Variants in STON2 observed in about 807,000 individuals in gnomAD.
STON2 encodes the protein stonin 2, also known as stonin-2.
STON2 carries 29 observed loss-of-function variants against 65.7 expected under a neutral mutation model. The observed-to-expected ratio is 0.44, with a 90% CI of 0.33 to 0.60. The LOEUF is 0.60. Ranked by LOEUF, STON2 falls within the 20% of genes least tolerant of loss-of-function variation. The pLI is 0.03. For synonymous variants in STON2, 404 were observed against 414.2 expected, an observed-to-expected ratio of 0.98 and a Z score of 0.30; for missense variants, 1,054 against 1,118.1, an observed-to-expected ratio of 0.94 and a Z score of 0.82.
rs936589546 is a variant in STON2 at position 81,412,585 on chromosome 14, G to A, written c.-198-14005C>T. The stretch of plus-strand genomic sequence containing the variant: ...AATGGTGGTTGCCAGGGGCCAGGGA[G>A]GCAGAGAAGTGTTTACCAGGTATGA... On this transcript the variant is annotated intron_variant, in intron 2 of 8. Coordinates refer to the STON2 transcript ENST00000553821. Among the ~76,000 whole-genome samples the A allele has an allele frequency of 5.8e-5, 8 of 138,846 alleles. 1 individual carries two copies. The highest frequency in any genetic ancestry group is 2.4e-4 in the African/African-American group (8 of 33,526). 91.1% of individuals were successfully genotyped at this position (138,846 alleles called of 152,430 possible).
intron 2 of STON2, among the ~76,000 whole-genome samples, chr14:81,419,906 C>T (rs1159508463): frequency 1.3e-5 from 2 of 152,190 alleles, no homozygotes; most frequent in African/African-American, 4.8e-5. Context: ...CAAGAATCGG[C>T]TTGTTGCTGG....
Position 81,265,958 on chromosome 14 carries a change from T to C in STON2, c.*2456A>G, listed in dbSNP as rs1209585744. On this transcript the variant is annotated 3_prime_UTR_variant, in exon 8 of 8. Coordinates refer to ENST00000614646, the MANE Select transcript of STON2 (RefSeq NM_001394390.1). ...TTGCCAACTCTCCAATCCATTTAGA[T>C]GTTCTATGAGGAATTAATCTCAAAA... 5 of 985,294 alleles carry C rather than the reference T, an allele frequency of 5.1e-6. No individual in the cohort carries two copies. The African/African-American group carries it at 7.0e-5, about 14-fold the overall frequency. The allele number at this position is 985,294 out of a possible 1,614,324, so 61.0% of individuals were successfully genotyped here. A position where few individuals can be genotyped will look rare whatever the true frequency, so the allele number is the denominator to read the frequency against.
chr14:81,355,854 T>A (rs1314778511), intron 4 of STON2, among the ~76,000 whole-genome samples: 2 of 152,166 alleles, frequency 1.3e-5, no homozygotes, highest in Non-Finnish European at 2.9e-5. Flanking sequence ...TGTACATTGA[T>A]TTTGTATCCT....
At position 81,268,150 on chromosome 14, in the gene STON2, T is replaced by C. The variant is rs1220158423; in HGVS notation, c.*264A>G. ...GAGACAAGACAAGGAGGCTTAATTA[T>C]ACAGTAAGCTCCAACAGTCAGGTGA... On this transcript the variant is annotated 3_prime_UTR_variant, in exon 8 of 8. Coordinates refer to ENST00000614646, the MANE Select transcript of STON2 (RefSeq NM_001394390.1). The C allele has an allele frequency of 2.7e-6, 3 of 1,094,566 alleles. No homozygotes were observed. The highest frequency in any genetic ancestry group is 2.5e-5 in the South Asian group (1 of 40,378). The allele number at this position is 1,094,566 out of a possible 1,614,324, so 67.8% of individuals were successfully genotyped here. A position where few individuals can be genotyped will look rare whatever the true frequency, so the allele number is the denominator to read the frequency against.
In STON2 at chr14:81,328,272, T is replaced by C. The variant is rs548736336; in HGVS notation, c.572-4085A>G. On this transcript the variant is annotated intron_variant, in intron 4 of 7. Coordinates refer to ENST00000614646, the MANE Select transcript of STON2 (RefSeq NM_001394390.1). ...AAGATCCTGGGAATATAGAAGTCTA[T>C]TAATTAAATGTAAATAGAAGTCTAT... Among the ~76,000 whole-genome samples the C allele has an allele frequency of 2.0e-5, 3 of 152,258 alleles. No homozygotes were observed. The East Asian group carries it at 5.8e-4, about 29-fold the overall frequency.
chr14:81,420,438 C>T (rs1181415868), intron 2 of STON2, among the ~76,000 whole-genome samples: 1 of 152,178 alleles, frequency 6.6e-6, no homozygotes, highest in East Asian at 1.9e-4. Flanking sequence ...TTCATTCATT[C>T]AATAAGCATT....
intron 4 of STON2, among the ~76,000 whole-genome samples, chr14:81,338,216 C>T (rs1397837543): frequency 6.6e-6 from 1 of 152,162 alleles, no homozygotes; most frequent in African/African-American, 2.4e-5. Context: ...GGGAACCAAC[C>T]ATGTGATGAA....
Position 81,411,885 on chromosome 14 carries a change from A to AT in STON2, c.-198-13306dup, listed in dbSNP as rs1901181716. Among the ~76,000 whole-genome samples, 2 of 98,206 alleles carry AT rather than the reference A, an allele frequency of 2.0e-5. 1 individual carries two copies. Among genetic ancestry groups the AT allele is most frequent in the Non-Finnish European group, 3.7e-5 (2 of 54,512 alleles). 64.4% of individuals were successfully genotyped at this position (98,206 alleles called of 152,430 possible). A position where few individuals can be genotyped will look rare whatever the true frequency, so the allele number is the denominator to read the frequency against. ...AAGACAAGGAATAACAAGGAATCTT[A>AT]TACATAGAGTGACAGAAGATGTCTC... On this transcript the variant is annotated intron_variant, in intron 2 of 8. Transcript: ENST00000553821.
intron 3 of STON2, among the ~76,000 whole-genome samples, chr14:81,380,897 T>A (rs549154074): frequency 1.3e-5 from 2 of 151,920 alleles, no homozygotes; most frequent in Non-Finnish European, 2.9e-5. Context: ...GGGTGAAAAA[T>A]TATCTGTAGA....
At chr14:81,351,145 G>A (rs1898006528) in intron 4 of STON2, among the ~76,000 whole-genome samples, 1 of 149,552 alleles carries the variant, frequency 6.7e-6, no homozygotes, top group South Asian at 2.1e-4. Flanking sequence ...AGACTCAAGT[G>A]CTTGAGACTA....
At chr14:81,384,218 C>T (rs1191377495) in intron 3 of STON2, among the ~76,000 whole-genome samples, 2 of 151,324 alleles carry the variant, frequency 1.3e-5, no homozygotes, top group Non-Finnish European at 2.9e-5. Context: ...TTACCTAACA[C>T]ACTTACTGTA....
Position 81,267,715 on chromosome 14 carries a change from A to G in STON2, c.*699T>C. On this transcript the variant is annotated 3_prime_UTR_variant, in exon 8 of 8. Transcript: ENST00000614646. ...CACCCATTTTGCAGAATGTGGGTCC[A>G]TTCACAAAATTAAAAAGTCTCCTAT... 1.0e-6 allele frequency: 1 copy of G among 985,432 alleles called. No individual in the cohort carries two copies. The highest frequency in any genetic ancestry group is 1.2e-6 in the Non-Finnish European group (1 of 829,928). 61.0% of individuals were successfully genotyped at this position (985,432 alleles called of 1,614,324 possible).
intron 4 of STON2, among the ~76,000 whole-genome samples, chr14:81,341,459 T>G (rs1207459297): frequency 6.7e-6 from 1 of 149,114 alleles, no homozygotes; most frequent in Non-Finnish European, 1.5e-5. Flanking sequence ...TTTTTTTTGT[T>G]TTTTTTTTTT....
intron 5 of STON2, among the ~76,000 whole-genome samples, chr14:81,280,437 A>G (rs1368150709): frequency 6.6e-6 from 1 of 152,134 alleles, no homozygotes. Flanking sequence ...TCCATTCTCT[A>G]CGTCTCTGCA....
chr14:81,399,488 C>A (rs1595444430), intron 1 of STON2, among the ~76,000 whole-genome samples: 2 of 152,184 alleles, frequency 1.3e-5, no homozygotes, highest in East Asian at 3.9e-4. Flanking sequence ...AATTGCTGCA[C>A]AATGAAAAGT....
rs145826392 is a variant in STON2 at position 81,277,668 on chromosome 14, C to T, written c.1814G>A (p.Arg605His). The part of the protein sequence containing the change: ...FLSFIHAVQD[R>H]LMDLPVLSMD... ...TGACAACACTGGCAGATCCATGAGACGGTCCTGAACTGCATGGATGAAACT... is the reference window on the plus strand; with the variant it reads ...TGACAACACTGGCAGATCCATGAGATGGTCCTGAACTGCATGGATGAAACT... The change falls in exon 6 of 8, where the codon CGT becomes CAT. Residue 605 changes from arginine (R) to histidine (H), a missense_variant. Arg to His is a conservative substitution (Grantham distance 29). Coordinates refer to ENST00000614646, the MANE Select transcript of STON2 (RefSeq NM_001394390.1). 6.6e-5 allele frequency: 106 copies of T among 1,614,148 alleles called. No individual in the cohort carries two copies. Among genetic ancestry groups the T allele is most frequent in the Middle Eastern group, 3.3e-4 (2 of 6,062 alleles).
chr14:81,266,240 G>T lies in STON2; in HGVS notation c.*2174C>A. 1 of 318,994 alleles carries T rather than the reference G, an allele frequency of 3.1e-6. No individual in the cohort carries two copies. The highest frequency in any genetic ancestry group is 4.5e-6 in the Non-Finnish European group (1 of 220,752). 19.8% of individuals were successfully genotyped at this position (318,994 alleles called of 1,614,324 possible). A position where few individuals can be genotyped will look rare whatever the true frequency, so the allele number is the denominator to read the frequency against. ...TATTTTAACTGTTGGGCATTCACAGGAACAGGAAATCTTACTAACTTGAGT... is the reference window on the plus strand; with the variant it reads ...TATTTTAACTGTTGGGCATTCACAGTAACAGGAAATCTTACTAACTTGAGT... On this transcript the variant is annotated 3_prime_UTR_variant, in exon 8 of 8. Transcript: ENST00000614646.
At chr14:81,366,131 C>A (rs561938843) in intron 4 of STON2, among the ~76,000 whole-genome samples, 2 of 152,156 alleles carry the variant, frequency 1.3e-5, no homozygotes, top group Non-Finnish European at 2.9e-5. Context: ...CCAGCTCTGC[C>A]CCCCCGCACC....
At chr14:81,379,450 G>C (rs1899409732) in intron 3 of STON2, among the ~76,000 whole-genome samples, 1 of 152,142 alleles carries the variant, frequency 6.6e-6, no homozygotes, top group African/African-American at 2.4e-5. Context: ...AACATTTAGA[G>C]ATTGAAAGAT....
Sources: gnomAD v4.1 joint callset for allele counts (sites outside exome capture counted in the v4.1 genomes callset) on GRCh38, gnomAD v4.1.1 for gene constraint, MANE v1.5 for transcripts, NCBI Gene and HGNC (gene_info 2026-07-23, HGNC 2026-07-21) for gene names.